SPAG16: variants seen among roughly 807,000 people sequenced by gnomAD.
SPAG16 encodes the protein sperm-associated antigen 16 protein.
SPAG16 carries 86 observed loss-of-function variants against 80.4 expected under a neutral mutation model. The observed-to-expected ratio is 1.07, with a 90% CI of 0.90 to 1.28. The LOEUF is 1.28. Ranked by LOEUF, SPAG16 falls within the 50% of genes most tolerant of loss-of-function variation. SPAG16 has a pLI of 0.00. For synonymous variants in SPAG16, 294 were observed against 265.9 expected (o/e 1.11, Z -1.03); for missense variants, 870 against 765.3 (o/e 1.14, Z -1.61).
At position 213,589,821 on chromosome 2, in the gene SPAG16, C is replaced by T. The variant is rs2060619059; in HGVS notation, c.1070+99731C>T. 2.6e-5 allele frequency among the ~76,000 whole-genome samples: 4 copies of T among 151,808 alleles called. No individual in the cohort carries two copies. In the South Asian group the frequency reaches 6.2e-4, roughly 24 times the overall value. ...CCTGTAATCCCACCTATTCGGGTGGCTGAGGCTGGGGAATTGCTTCTACTT... is the reference window on the plus strand; with the variant it reads ...CCTGTAATCCCACCTATTCGGGTGGTTGAGGCTGGGGAATTGCTTCTACTT... On this transcript the variant is annotated intron_variant, in intron 10 of 15. Coordinates refer to ENST00000331683, the MANE Select transcript of SPAG16 (RefSeq NM_024532.5).
Position 213,512,076 on chromosome 2 carries a change from A to T in SPAG16, c.1070+21986A>T, listed in dbSNP as rs189979167. Among the ~76,000 whole-genome samples, 524 of 152,260 alleles carry T rather than the reference A, an allele frequency of 3.4e-3. 6 individuals carry two copies. Among genetic ancestry groups the T allele is most frequent in the African/African-American group, 0.012 (492 of 41,526 alleles). On this transcript the variant is annotated intron_variant, in intron 10 of 15. Coordinates refer to ENST00000331683, the MANE Select transcript of SPAG16 (RefSeq NM_024532.5). The stretch of plus-strand genomic sequence containing the variant: ...TAGCTTAATTAGCTAAAATCACAAC[A>T]GTCATGGTTATCAATGAATAACAGT...
At chr2:213,353,843 C>T (rs2125063301) in intron 7 of SPAG16, among the ~76,000 whole-genome samples, 1 of 152,184 alleles carries the variant, frequency 6.6e-6, no homozygotes, top group South Asian at 2.1e-4. Context: ...TAATAAATTC[C>T]ACTTTCACCC....
At chr2:213,527,982 A>G (rs1407250683) in intron 10 of SPAG16, among the ~76,000 whole-genome samples, 1 of 152,226 alleles carries the variant, frequency 6.6e-6, no homozygotes, top group Non-Finnish European at 1.5e-5. Context: ...CAATAAAAAT[A>G]TAAAAACAAA....
At chr2:213,575,236 G>A (rs1402551351) in intron 10 of SPAG16, among the ~76,000 whole-genome samples, 1 of 152,142 alleles carries the variant, frequency 6.6e-6, no homozygotes, top group African/African-American at 2.4e-5. Flanking sequence ...CTTATATTCA[G>A]AGTTGAATGC....
chr2:214,116,857 GA>G (rs2053959326), intron 14 of SPAG16, among the ~76,000 whole-genome samples: 1 of 152,168 alleles, frequency 6.6e-6, no homozygotes, highest in African/African-American at 2.4e-5. Flanking sequence ...AGTATTTTTA[GA>G]TCTCTGGAAG....
intron 10 of SPAG16, among the ~76,000 whole-genome samples, chr2:213,829,917 G>A (rs901957590): frequency 6.6e-6 from 1 of 152,088 alleles, no homozygotes; most frequent in Non-Finnish European, 1.5e-5. Context: ...CTCCTCTCAT[G>A]AAGTGGAAGG....
intron 9 of SPAG16, among the ~76,000 whole-genome samples, chr2:213,488,848 G>A (rs1410148246): frequency 1.4e-5 from 2 of 148,104 alleles, no homozygotes; most frequent in African/African-American, 2.4e-5. Flanking sequence ...AGGCCAAGGC[G>A]GGAGGATCAC....
chr2:213,556,680 A>C (rs2059436995), intron 10 of SPAG16, among the ~76,000 whole-genome samples: 1 of 152,150 alleles, frequency 6.6e-6, no homozygotes, highest in African/African-American at 2.4e-5. Flanking sequence ...CAAAGAATAC[A>C]TCATCCAGAC....
chr2:214,053,617 C>A (rs1222295552), intron 13 of SPAG16, among the ~76,000 whole-genome samples: 1 of 152,156 alleles, frequency 6.6e-6, no homozygotes, highest in Non-Finnish European at 1.5e-5. Flanking sequence ...TTTGGTAGCA[C>A]CAAAGACTCC....
chr2:213,469,149 CAA>C (rs1392659786), intron 9 of SPAG16, among the ~76,000 whole-genome samples: 2 of 152,138 alleles, frequency 1.3e-5, no homozygotes, highest in South Asian at 4.1e-4. Context: ...TTAACCATCA[CAA>C]GTCAACCCCT....
At chr2:214,151,653 G>A (rs1248508913) in intron 15 of SPAG16, among the ~76,000 whole-genome samples, 1 of 151,892 alleles carries the variant, frequency 6.6e-6, no homozygotes, top group Admixed American at 6.6e-5. Flanking sequence ...ATGTATTGAG[G>A]GCTCACATTA....
At chr2:213,355,904 A>C (rs1409373159) in intron 7 of SPAG16, among the ~76,000 whole-genome samples, 1 of 152,088 alleles carries the variant, frequency 6.6e-6, no homozygotes, top group African/African-American at 2.4e-5. Context: ...ACTTCCAACT[A>C]TGTTGAATTG....
intron 15 of SPAG16, among the ~76,000 whole-genome samples, chr2:214,350,939 A>G (rs141601579): frequency 1.7e-3 from 252 of 152,310 alleles, no homozygotes; most frequent in African/African-American, 5.9e-3. Context: ...ACATCAGCTA[A>G]AAGGCAACTT....
At chr2:214,013,563 G>A (rs149352911) in intron 12 of SPAG16, among the ~76,000 whole-genome samples, 8 of 152,184 alleles carry the variant, frequency 5.3e-5, no homozygotes, top group Admixed American at 2.6e-4. Context: ...TAACCAAGTC[G>A]GAGAAGCAAT....
At chr2:213,870,980 G>A (rs938775824) in intron 11 of SPAG16, among the ~76,000 whole-genome samples, 5 of 152,136 alleles carry the variant, frequency 3.3e-5, no homozygotes, top group East Asian at 1.9e-4. Context: ...TTGAAGATGC[G>A]AGACCAGAAA....
chr2:213,662,477 G>A (rs926947065), intron 10 of SPAG16, among the ~76,000 whole-genome samples: 3 of 152,082 alleles, frequency 2.0e-5, no homozygotes, highest in Non-Finnish European at 4.4e-5. Flanking sequence ...ATTATGTTTA[G>A]GATTTTGTGT....
At chr2:213,797,226 T>C (rs2071099307) in intron 10 of SPAG16, among the ~76,000 whole-genome samples, 1 of 152,104 alleles carries the variant, frequency 6.6e-6, no homozygotes, top group African/African-American at 2.4e-5. Flanking sequence ...GGTTAATTTA[T>C]CATTGAACAA....
At chr2:213,439,982 TA>T (rs1240175619) in intron 9 of SPAG16, among the ~76,000 whole-genome samples, 3 of 152,204 alleles carry the variant, frequency 2.0e-5, no homozygotes, top group African/African-American at 7.2e-5. Context: ...TTAGAGGACA[TA>T]AAATTTTATA....
At chr2:213,466,232 A>T (rs2072687276) in intron 9 of SPAG16, among the ~76,000 whole-genome samples, 1 of 152,128 alleles carries the variant, frequency 6.6e-6, no homozygotes. Context: ...CTCCTTAATA[A>T]AGTCCCCTTT....
Sources: gnomAD v4.1 joint callset for allele counts (sites outside exome capture counted in the v4.1 genomes callset) on GRCh38, gnomAD v4.1.1 for gene constraint, MANE v1.5 for transcripts, NCBI Gene and HGNC (gene_info 2026-07-23, HGNC 2026-07-21) for gene names.